The following WNT5B variants were observed in gnomAD, a reference collection of about 807,000 sequenced individuals.
The protein encoded by WNT5B is protein Wnt-5b.
A neutral mutation model predicts 36.5 loss-of-function variants in WNT5B; 18 were observed. The observed-to-expected ratio is 0.49, with a 90% CI of 0.34 to 0.73. The LOEUF (loss-of-function observed/expected upper bound fraction) is 0.73. Ranked by LOEUF, WNT5B falls within the 30% of genes least tolerant of loss-of-function variation. The pLI, the probability that WNT5B is intolerant of heterozygous loss-of-function variation, is 0.01. For missense variants in WNT5B, 424 were observed against 508.4 expected (o/e 0.83, Z 1.60); for synonymous variants, 213 against 212.3 (o/e 1.00, Z -0.03).
chr12:1,626,646 G>A (rs1446501071), upstream of WNT5B, among the ~76,000 whole-genome samples: 1 of 148,802 alleles, frequency 6.7e-6, no homozygotes, highest in African/African-American at 2.5e-5. Context: ...CCCACTGCAC[G>A]CTCCGCCTCC....
chr12:1,631,883 TGTC>T (rs2094551614), intron 2 of WNT5B, among the ~76,000 whole-genome samples: 1 of 152,210 alleles, frequency 6.6e-6, no homozygotes, highest in Non-Finnish European at 1.5e-5. Context: ...TAAGGGCTGT[TGTC>T]ATTGCCAAGT....
chr12:1,641,882 CTT>C (rs1234301650), intron 4 of WNT5B, among the ~76,000 whole-genome samples: 1 of 152,204 alleles, frequency 6.6e-6, no homozygotes, highest in Non-Finnish European at 1.5e-5. Context: ...TAGGAAGTGT[CTT>C]TTGTCTGAAT....
chr12:1,636,540 T>C (rs1452765337), intron 3 of WNT5B, among the ~76,000 whole-genome samples: 7 of 32,304 alleles, frequency 2.2e-4, no homozygotes, highest in African/African-American at 5.6e-4. Context: ...TATATATATA[T>C]ACTTTTTTTT....
chr12:1,631,594 C>G (rs1004366383), intron 2 of WNT5B, among the ~76,000 whole-genome samples, 160 bp downstream of exon 2: 1 of 152,240 alleles, frequency 6.6e-6, no homozygotes, highest in African/African-American at 2.4e-5. Context: ...CTGTGTCTCT[C>G]TCAACCCTTA....
upstream of WNT5B, among the ~76,000 whole-genome samples, chr12:1,628,265 C>T (rs1001799551): frequency 5.9e-5 from 9 of 152,050 alleles, no homozygotes; most frequent in African/African-American, 2.2e-4. Context: ...AAGCGATTCT[C>T]CTGCCTCAGC....
chr12:1,623,177 G>GTTTTTTTTTTTTTTT lies in WNT5B; in HGVS notation c.-58+6040_-58+6041insTTTTTTTTTTTTTTT, dbSNP rs1565603144. Among the ~76,000 whole-genome samples the GTTTTTTTTTTTTTTT allele has an allele frequency of 2.6e-4, 26 of 98,258 alleles. 1 individual carries two copies. Among genetic ancestry groups the GTTTTTTTTTTTTTTT allele is most frequent in the African/African-American group, 1.1e-3 (25 of 23,532 alleles). The allele number at this position is 98,258 out of a possible 152,430, so 64.5% of individuals were successfully genotyped here. Reference sequence around the variant, plus strand: ...TTAGGAGATAGGAAACCTTTGAAGGGTTTTTTGTTGTTTTTTTTTTTTTTT... The same window carrying GTTTTTTTTTTTTTTT: ...TTAGGAGATAGGAAACCTTTGAAGGGTTTTTTTTTTTTTTTTTTTTTGTTGTTTTTTTTTTTTTTT... On this transcript the variant is annotated intron_variant, in intron 1 of 4. Coordinates refer to the WNT5B transcript ENST00000310594.
upstream of WNT5B, among the ~76,000 whole-genome samples, chr12:1,627,823 A>G (rs185599586): frequency 1.3e-5 from 2 of 152,074 alleles, no homozygotes; most frequent in Non-Finnish European, 2.9e-5. This position sits in a 1 kb window ranked among gnomAD's most constrained non-coding sequence, Gnocchi z 5.0. Context: ...AGAACCCTAC[A>G]TCAAGTATGC....
chr12:1,635,091 T>C (rs775209321), intron 3 of WNT5B, among the ~76,000 whole-genome samples: 2 of 152,196 alleles, frequency 1.3e-5, no homozygotes, highest in Non-Finnish European at 2.9e-5. Context: ...TGGTACTTAG[T>C]AGGCTTACCC....
chr12:1,630,288 A>C lies in WNT5B; in HGVS notation c.-58+917A>C. ...CACGCCCAGACGGGGGCCCCGGAGG[A>C]CCGCGGGGGAGCCGCAGGGGCCGTG... is the stretch of plus-strand genomic sequence containing the variant. On this transcript the variant is annotated intron_variant, in intron 1 of 4. Transcript: ENST00000397196. This position sits in a 1 kb window ranked among gnomAD's most constrained non-coding sequence, Gnocchi z 5.3. The C allele has an allele frequency of 3.1e-6, 3 of 956,900 alleles. No homozygotes were observed. The highest frequency in any genetic ancestry group is 3.7e-6 in the Non-Finnish European group (3 of 804,068). 59.3% of individuals were successfully genotyped at this position (956,900 alleles called of 1,614,324 possible). A position where few individuals can be genotyped will look rare whatever the true frequency, so the allele number is the denominator to read the frequency against.
chr12:1,625,365 G>A (rs950542488), upstream of WNT5B, among the ~76,000 whole-genome samples: 1 of 152,178 alleles, frequency 6.6e-6, no homozygotes, highest in African/African-American at 2.4e-5. Context: ...TGAACCTGAT[G>A]TACATTTTAG....
intron 2 of WNT5B, 61 bp downstream of exon 2, chr12:1,631,495 T>C (rs2154439563): frequency 6.2e-7 from 1 of 1,611,306 alleles, no homozygotes; most frequent in Non-Finnish European, 8.5e-7. Flanking sequence ...GCGACTGAGA[T>C]GAGGAGGAAG....
At chr12:1,640,712 C>T (rs187504498) in intron 4 of WNT5B, among the ~76,000 whole-genome samples, 48 of 152,350 alleles carry the variant, frequency 3.2e-4, no homozygotes, top group African/African-American at 9.6e-4. Flanking sequence ...CGTGAACCCT[C>T]TCTGCCTGCA....
At chr12:1,619,044 A>G (rs2094530380) in intron 1 of WNT5B, among the ~76,000 whole-genome samples, 1 of 152,046 alleles carries the variant, frequency 6.6e-6, no homozygotes, top group Non-Finnish European at 1.5e-5. Context: ...TTTCTGGGGA[A>G]GGGTAGTTTA....
At chr12:1,636,461 T>C (rs1298509926) in intron 3 of WNT5B, among the ~76,000 whole-genome samples, 3 of 143,638 alleles carry the variant, frequency 2.1e-5, no homozygotes, top group African/African-American at 7.7e-5. Flanking sequence ...TCCTTTTACT[T>C]AGCACAATGA....
intron 4 of WNT5B, among the ~76,000 whole-genome samples, chr12:1,641,714 G>A (rs939511507): frequency 9.2e-5 from 14 of 151,722 alleles, no homozygotes; most frequent in Non-Finnish European, 1.9e-4. Flanking sequence ...CGAGGCAGGA[G>A]AATTGCTTGA....
intron 3 of WNT5B, among the ~76,000 whole-genome samples, chr12:1,636,295 C>T (rs113902131): frequency 1.3e-5 from 2 of 151,790 alleles, no homozygotes; most frequent in Admixed American, 1.3e-4. Context: ...ACATTTTCAC[C>T]GCTCCACAGA....
intron 1 of WNT5B, among the ~76,000 whole-genome samples, chr12:1,621,458 GC>G (rs2094533709): frequency 6.6e-6 from 1 of 152,162 alleles, no homozygotes; most frequent in Non-Finnish European, 1.5e-5. Context: ...CTGCAGTGTT[GC>G]CCCCAGAAAC....
intron 4 of WNT5B, among the ~76,000 whole-genome samples, chr12:1,643,905 G>A (rs2094580512): frequency 6.6e-6 from 1 of 151,930 alleles, no homozygotes; most frequent in Admixed American, 6.6e-5. Context: ...GAAGGATGGA[G>A]GGGGTGTTTA....
intron 1 of WNT5B, among the ~76,000 whole-genome samples, chr12:1,623,355 C>T (rs1236934143): frequency 1.3e-5 from 2 of 151,254 alleles, no homozygotes; most frequent in Non-Finnish European, 3.0e-5. Flanking sequence ...ACCACCACAC[C>T]CAGCTAATTT....
Sources: allele counts gnomAD v4.1 joint callset (sites outside exome capture counted in the v4.1 genomes callset), GRCh38; gene constraint gnomAD v4.1.1; non-coding constraint Gnocchi (gnomAD v3.1); transcripts MANE v1.5; gene names NCBI Gene and HGNC (gene_info 2026-07-23, HGNC 2026-07-21).